The following SLC22A14 variants were observed in gnomAD, a reference collection of about 807,000 sequenced individuals.
SLC22A14 encodes the protein solute carrier family 22 member 14.
Under a neutral mutation model 53.9 loss-of-function variants are expected in SLC22A14, and 50 were observed. The observed-to-expected ratio is 0.93, with a 90% CI of 0.74 to 1.17. The LOEUF is 1.17. Ranked by LOEUF, SLC22A14 falls within the 50% of genes most tolerant of loss-of-function variation. The probability of loss-of-function intolerance (pLI) is 0.00; values close to 1 mark genes in which losing one functional copy is unlikely to be tolerated. For missense variants in SLC22A14, 671 were observed against 734.7 expected (o/e 0.91, Z 1.00); for synonymous variants, 312 against 303.0 (o/e 1.03, Z -0.31).
intron 10 of SLC22A14, among the ~76,000 whole-genome samples, chr3:38,317,276 G>C (rs1704649596): frequency 6.6e-6 from 1 of 151,942 alleles, no homozygotes; most frequent in Non-Finnish European, 1.5e-5. Flanking sequence ...CTCCCTCCCT[G>C]CTCTCACTGG....
intron 5 of SLC22A14, 27 bp downstream of exon 5, chr3:38,309,149 C>A: frequency 6.3e-7 from 1 of 1,598,490 alleles, no homozygotes; most frequent in Non-Finnish European, 8.6e-7. Flanking sequence ...CGGGCATGTA[C>A]AGGGCTGGGT....
Position 38,307,343 on chromosome 3 carries a change from G to T in SLC22A14, c.606G>T (p.Arg202Ser), listed in dbSNP as rs1315199649. 5.0e-6 allele frequency: 8 copies of T among 1,613,174 alleles called. No individual in the cohort carries two copies. The highest frequency in any genetic ancestry group is 1.3e-5 in the African/African-American group (1 of 74,898). Reference sequence around the variant, plus strand: ...TCCCGATAGGCTCTCTCATCTTCAGGCTCATAACTGACAAGTGAGTCCCCG... The same window carrying T: ...TCCCGATAGGCTCTCTCATCTTCAGTCTCATAACTGACAAGTGAGTCCCCG... Reference protein sequence around the residue: ...AGLPIGSLIFRLITDKMGRYP... With the variant: ...AGLPIGSLIFSLITDKMGRYP... Residue 202 changes from arginine (R) to serine (S), a missense_variant, in exon 3 of 11, where the codon AGG becomes AGT. Arg to Ser is a moderately radical substitution (Grantham distance 110, BLOSUM62 -1). Transcript: ENST00000448498. The surrounding 1 kb of genome is among the most constrained non-coding windows in gnomAD (Gnocchi z 4.4).
chr3:38,289,484 C>G (rs1272499383), intron 1 of SLC22A14, among the ~76,000 whole-genome samples: 2 of 152,250 alleles, frequency 1.3e-5, no homozygotes, highest in East Asian at 3.9e-4. Flanking sequence ...AAGATGGCAG[C>G]AAGCCTCTTG....
intron 1 of SLC22A14, among the ~76,000 whole-genome samples, chr3:38,302,347 T>TA (rs1575413319): frequency 6.7e-6 from 1 of 148,166 alleles, no homozygotes; most frequent in Non-Finnish European, 1.5e-5. Context: ...TATATTTATA[T>TA]TTTCTAATAG....
chr3:38,314,166 G>A (rs1704562553), intron 8 of SLC22A14, among the ~76,000 whole-genome samples: 1 of 152,194 alleles, frequency 6.6e-6, no homozygotes. Flanking sequence ...TCAGAGGCCT[G>A]AAAGAGGAGG....
chr3:38,288,625 AT>A (rs1265756937), intron 1 of SLC22A14, among the ~76,000 whole-genome samples: 1 of 152,122 alleles, frequency 6.6e-6, no homozygotes, highest in East Asian at 1.9e-4. Flanking sequence ...TGTCATCCTA[AT>A]GGGTGTCTTG....
intron 5 of SLC22A14, among the ~76,000 whole-genome samples, chr3:38,311,855 T>G (rs1704475907): frequency 6.6e-6 from 1 of 152,252 alleles, no homozygotes; most frequent in Admixed American, 6.5e-5. Flanking sequence ...TCTCCCATTG[T>G]GTCCTCCCTC....
upstream of SLC22A14, among the ~76,000 whole-genome samples, chr3:38,280,121 A>G (rs1575394065): frequency 1.3e-5 from 2 of 152,200 alleles, no homozygotes; most frequent in African/African-American, 2.4e-5. Context: ...TGCCCATGTG[A>G]TCTATGAGGT....
Position 38,307,213 on chromosome 3 carries a change from A to G in SLC22A14, c.517-41A>G, listed in dbSNP as rs765265956. On this transcript the variant is annotated intron_variant, in intron 2 of 10. Transcript: ENST00000448498. This position sits in a 1 kb window ranked among gnomAD's most constrained non-coding sequence, Gnocchi z 4.4. Reference sequence around the variant, plus strand: ...GGATGAGTCTCAGTCTCTGGACCCAAAGGTGGGCACCCGTGGCCAATCTCT... The same window carrying G: ...GGATGAGTCTCAGTCTCTGGACCCAGAGGTGGGCACCCGTGGCCAATCTCT... 6 of 1,437,036 alleles carry G rather than the reference A, an allele frequency of 4.2e-6. No homozygotes were observed. The highest frequency in any genetic ancestry group is 4.6e-5 in the East Asian group (2 of 43,932). 89.0% of individuals were successfully genotyped at this position (1,437,036 alleles called of 1,614,324 possible).
intron 5 of SLC22A14, among the ~76,000 whole-genome samples, chr3:38,309,662 G>A (rs1447408815): frequency 6.6e-6 from 1 of 152,056 alleles, no homozygotes; most frequent in Non-Finnish European, 1.5e-5. Flanking sequence ...AGCTGGGAGA[G>A]GACAACTGAT....
At chr3:38,298,437 T>TCTAG (rs1407138555) in intron 1 of SLC22A14, among the ~76,000 whole-genome samples, 58 of 151,802 alleles carry the variant, frequency 3.8e-4, no homozygotes, top group African/African-American at 1.3e-3. Context: ...TATCTATCTA[T>TCTAG]CTATCTATCT....
At chr3:38,289,535 A>C (rs1028351441) in intron 1 of SLC22A14, among the ~76,000 whole-genome samples, 1 of 152,198 alleles carries the variant, frequency 6.6e-6, no homozygotes, top group South Asian at 2.1e-4. Context: ...ATTCTAAGGA[A>C]TGGAATCTTG....
At chr3:38,318,117 G>T in intron 10 of SLC22A14, 81 bp from the exon 11 acceptor site, 1 of 1,303,888 alleles carries the variant, frequency 7.7e-7, no homozygotes, top group Non-Finnish European at 1.1e-6. Flanking sequence ...AGGGTTGGGC[G>T]CTGCTGAAGG....
At chr3:38,286,503 C>T (rs1181334479) in intron 1 of SLC22A14, among the ~76,000 whole-genome samples, 2 of 151,788 alleles carry the variant, frequency 1.3e-5, no homozygotes, top group Non-Finnish European at 2.9e-5. Context: ...CAACCTCTGC[C>T]TCCTTCAAGC....
intron 9 of SLC22A14, 66 bp from the exon 10 acceptor site, chr3:38,316,258 C>T: frequency 2.1e-6 from 3 of 1,403,024 alleles, no homozygotes; most frequent in Non-Finnish European, 3.0e-6. Context: ...TTTCATGTAG[C>T]TGCTGGCCCT....
At chr3:38,279,093 A>T (rs1703619621), upstream of SLC22A14, among the ~76,000 whole-genome samples, 1 of 152,164 alleles carries the variant, frequency 6.6e-6, no homozygotes, top group Non-Finnish European at 1.5e-5. Context: ...TTGGGCGTAG[A>T]TGCTGGACCA....
intron 1 of SLC22A14, among the ~76,000 whole-genome samples, chr3:38,285,421 C>T (rs1703770076): frequency 1.3e-5 from 2 of 152,226 alleles, no homozygotes; most frequent in African/African-American, 4.8e-5. Flanking sequence ...CATCATTCCT[C>T]TGTCTCCCCT....
intron 5 of SLC22A14, among the ~76,000 whole-genome samples, chr3:38,310,905 G>A (rs1359933032): frequency 6.6e-6 from 1 of 152,114 alleles, no homozygotes; most frequent in Non-Finnish European, 1.5e-5. Context: ...TGAGAGATGG[G>A]CATCATTCTC....
chr3:38,287,887 T>G (rs1703826319), intron 1 of SLC22A14, among the ~76,000 whole-genome samples: 1 of 152,248 alleles, frequency 6.6e-6, no homozygotes, highest in Non-Finnish European at 1.5e-5. Flanking sequence ...TTTATCATTA[T>G]TTTACACATA....
Sources: allele counts gnomAD v4.1 joint callset (sites outside exome capture counted in the v4.1 genomes callset), GRCh38; gene constraint gnomAD v4.1.1; non-coding constraint Gnocchi (gnomAD v3.1); transcripts MANE v1.5; gene names NCBI Gene and HGNC (gene_info 2026-07-23, HGNC 2026-07-21).